The following TENM3 variants were observed in gnomAD, a reference collection of about 807,000 sequenced individuals.
TENM3 encodes the protein teneurin-3.
TENM3 carries 63 observed loss-of-function variants against 255.1 expected under a neutral mutation model. That is an observed-to-expected ratio of 0.25 (90% CI 0.20 to 0.30). The LOEUF (loss-of-function observed/expected upper bound fraction) is 0.30. Among genes scored for constraint, TENM3 ranks in the 10% least tolerant of loss-of-function variants. The probability of loss-of-function intolerance (pLI) is 1.00; values close to 1 mark genes in which losing one functional copy is unlikely to be tolerated. For missense variants in TENM3, 2,929 were observed against 3,461.1 expected (o/e 0.85, Z 3.86); for synonymous variants, 1,306 against 1,322.3 (o/e 0.99, Z 0.27).
Position 182,800,139 on chromosome 4 carries a change from G to C in TENM3, c.7888G>C (p.Ala2630Pro). 6.9e-7 allele frequency: 1 copy of C among 1,453,114 alleles called. No individual in the cohort carries two copies. The highest frequency in any genetic ancestry group is 9.0e-7 in the Non-Finnish European group (1 of 1,112,324). The allele number at this position is 1,453,114 out of a possible 1,614,324, so 90.0% of individuals were successfully genotyped here. A position where few individuals can be genotyped will look rare whatever the true frequency, so the allele number is the denominator to read the frequency against. ...ILEQARQRAL[A>P]RAWAREQQRV... ...GGAGCAGGCGCGGCAGCGCGCGCTC[G>C]CCCGGGCCTGGGCGCGCGAGCAGCA... The change falls in exon 28 of 28, where the codon GCC becomes CCC. Residue 2630 changes from alanine (A) to proline (P), a missense_variant. Ala to Pro is a conservative substitution (Grantham distance 27). Transcript: ENST00000511685.
At chr4:181,478,183 T>C in the TENM3 span, among the ~76,000 whole-genome samples, 4 of 152,348 alleles carry the variant, frequency 2.6e-5, no homozygotes, top group South Asian at 8.3e-4. Context: ...AAGCCACAAT[T>C]ACAGTTTTGC....
At chr4:182,564,680 A>G (rs1236010960) in intron 3 of TENM3, among the ~76,000 whole-genome samples, 1 of 151,842 alleles carries the variant, frequency 6.6e-6, no homozygotes, top group Non-Finnish European at 1.5e-5. Context: ...ATGAATGGCT[A>G]AAGTGCCCTA....
the TENM3 span, among the ~76,000 whole-genome samples, chr4:181,507,629 A>G: frequency 6.6e-6 from 1 of 152,140 alleles, no homozygotes; most frequent in Admixed American, 6.5e-5. Context: ...ACACGCATGC[A>G]TTTTTTATTG....
chr4:181,518,717 T>G, the TENM3 span, among the ~76,000 whole-genome samples: 1 of 152,142 alleles, frequency 6.6e-6, no homozygotes, highest in Non-Finnish European at 1.5e-5. Flanking sequence ...GTGAGCCACC[T>G]TGTCTGGCCA....
intron 4 of TENM3, among the ~76,000 whole-genome samples, chr4:182,625,533 T>G (rs755488246): frequency 1.3e-4 from 20 of 152,070 alleles, no homozygotes; most frequent in Non-Finnish European, 2.6e-4. Context: ...ACGAAACCGG[T>G]CCCTGGTGCC....
At chr4:181,632,172 A>G in the TENM3 span, among the ~76,000 whole-genome samples, 30,625 of 152,090 alleles carry the variant, frequency 0.2, 3,356 homozygotes, top group South Asian at 0.31. Context: ...AGGAAATCAT[A>G]GCAGAAGGCA....
the TENM3 span, among the ~76,000 whole-genome samples, chr4:182,033,716 C>A: frequency 1.3e-5 from 2 of 152,076 alleles, no homozygotes; most frequent in African/African-American, 4.8e-5. Context: ...AAGCTGGGTG[C>A]TTTTGTATTG....
chr4:181,949,260 T>C, the TENM3 span, among the ~76,000 whole-genome samples: 28 of 152,230 alleles, frequency 1.8e-4, no homozygotes, highest in African/African-American at 6.5e-4. Context: ...GATTTATTTC[T>C]AGACAGTAGA....
At chr4:182,577,166 A>G (rs529573594) in intron 3 of TENM3, among the ~76,000 whole-genome samples, 1 of 152,338 alleles carries the variant, frequency 6.6e-6, no homozygotes, top group Non-Finnish European at 1.5e-5. Context: ...ACCTTCTGAG[A>G]AGCTTTCGGA....
chr4:181,783,182 G>C, the TENM3 span, among the ~76,000 whole-genome samples: 1 of 152,078 alleles, frequency 6.6e-6, no homozygotes, highest in South Asian at 2.1e-4. Context: ...TCCTTGTTAA[G>C]TTTCTGTCTC....
At chr4:181,979,545 C>T in the TENM3 span, among the ~76,000 whole-genome samples, 1 of 152,138 alleles carries the variant, frequency 6.6e-6, no homozygotes, top group Admixed American at 6.6e-5. Flanking sequence ...ATTCCAGCTA[C>T]CCAGGTCTCT....
At chr4:181,725,271 G>A in the TENM3 span, among the ~76,000 whole-genome samples, 1 of 152,032 alleles carries the variant, frequency 6.6e-6, no homozygotes, top group Non-Finnish European at 1.5e-5. Flanking sequence ...ATGTTTACTG[G>A]ACATCAGGAA....
intron 2 of TENM3, among the ~76,000 whole-genome samples, chr4:182,331,659 G>C (rs1263471615): frequency 6.6e-6 from 1 of 152,132 alleles, no homozygotes; most frequent in Non-Finnish European, 1.5e-5. Context: ...AAATGGTTGA[G>C]AATAAAGATA....
At chr4:181,637,806 G>T in the TENM3 span, among the ~76,000 whole-genome samples, 4 of 152,138 alleles carry the variant, frequency 2.6e-5, no homozygotes, top group African/African-American at 9.7e-5. Flanking sequence ...TCTATGGCCC[G>T]TGAGACATGC....
chr4:181,994,873 A>G, the TENM3 span, among the ~76,000 whole-genome samples: 1 of 152,216 alleles, frequency 6.6e-6, no homozygotes, highest in African/African-American at 2.4e-5. Context: ...GCTTTCAGAT[A>G]CAATTTGAAT....
At chr4:181,469,512 A>C in the TENM3 span, among the ~76,000 whole-genome samples, 1 of 152,190 alleles carries the variant, frequency 6.6e-6, no homozygotes, top group Non-Finnish European at 1.5e-5. Context: ...AAACACTTGC[A>C]TATTTTTTCT....
intron 1 of TENM3, among the ~76,000 whole-genome samples, chr4:182,249,001 C>T (rs1435683394): frequency 6.6e-6 from 1 of 152,226 alleles, no homozygotes; most frequent in Non-Finnish European, 1.5e-5. Flanking sequence ...AGACCCTCCT[C>T]TACAAACTTT....
chr4:182,360,555 T>C (rs1000611632), intron 3 of TENM3, among the ~76,000 whole-genome samples: 3 of 152,060 alleles, frequency 2.0e-5, no homozygotes, highest in Admixed American at 6.6e-5. Flanking sequence ...CCTGCCTTTT[T>C]TTCTTTTCCA....
At chr4:182,408,824 C>T (rs1345401027) in intron 3 of TENM3, among the ~76,000 whole-genome samples, 1 of 152,232 alleles carries the variant, frequency 6.6e-6, no homozygotes, top group Non-Finnish European at 1.5e-5. Flanking sequence ...GCGATGCACA[C>T]TCAAAAAATG....
Sources: allele counts gnomAD v4.1 joint callset (sites outside exome capture counted in the v4.1 genomes callset), GRCh38; gene constraint gnomAD v4.1.1; transcripts MANE v1.5; gene names NCBI Gene and HGNC (gene_info 2026-07-23, HGNC 2026-07-21).